Variants in AGTPBP1 observed in about 807,000 individuals in gnomAD.
The protein encoded by AGTPBP1 is cytosolic carboxypeptidase 1.
In AGTPBP1, 70 loss-of-function variants were observed where a neutral mutation model predicts 143.9. That is an observed-to-expected ratio of 0.49 (90% confidence interval 0.40 to 0.59). The LOEUF (loss-of-function observed/expected upper bound fraction) is 0.59, where lower values mean the gene tolerates loss of function less well. Ranked by LOEUF, AGTPBP1 falls within the 20% of genes least tolerant of loss-of-function variation. AGTPBP1 has a pLI of 0.00. For missense variants in AGTPBP1, 1,229 were observed against 1,464.5 expected (o/e 0.84, Z 2.62); for synonymous variants, 463 against 500.2 (o/e 0.93, Z 0.99).
rs189986250 is a variant in AGTPBP1, at chr9:85,563,363, G to A, written c.3503+11952C>T. ...AGAAAACAGGAAAGCTATAGAGAAA[G>A]CTTCAGACTTCTTAAAGAATACTTA... On this transcript the variant is annotated intron_variant, in intron 25 of 25. Coordinates refer to ENST00000357081, the MANE Select transcript of AGTPBP1 (RefSeq NM_001330701.2). Among the ~76,000 whole-genome samples, 574 of 152,274 alleles carry A rather than the reference G, an allele frequency of 3.8e-3. 3 individuals are homozygous for A. Among genetic ancestry groups the A allele is most frequent in the African/African-American group, 0.013 (557 of 41,556 alleles).
At chr9:85,774,057 T>C in the AGTPBP1 span, 1 of 1,489,358 alleles carries the variant, frequency 6.7e-7, no homozygotes, top group Admixed American at 1.7e-5. Flanking sequence ...CTTTTGACAG[T>C]TATGTAAAGT....
At chr9:85,586,535 G>A (rs1828621513) in intron 22 of AGTPBP1, among the ~76,000 whole-genome samples, 1 of 152,146 alleles carries the variant, frequency 6.6e-6, no homozygotes, top group Non-Finnish European at 1.5e-5. Flanking sequence ...GAGCTGACTA[G>A]AGAACTCAGA....
At chr9:85,779,851 G>C in the AGTPBP1 span, among the ~76,000 whole-genome samples, 5 of 152,136 alleles carry the variant, frequency 3.3e-5, no homozygotes, top group Non-Finnish European at 7.3e-5. Flanking sequence ...AACAGGGTGA[G>C]ATGCTGTCTC....
At position 85,731,363 on chromosome 9, in the gene AGTPBP1, A is replaced by G. The variant is rs185108054; in HGVS notation, c.-34+10412T>C. Among the ~76,000 whole-genome samples the G allele has an allele frequency of 3.3e-5, 5 of 152,298 alleles. No homozygotes were observed. In the East Asian group the frequency reaches 9.6e-4, roughly 29 times the overall value. The stretch of plus-strand genomic sequence containing the variant: ...ATGTGGGAAACTGGAACCCTCACAC[A>G]TTGCTGACAGGAATGTACAATGGTG... On this transcript the variant is annotated intron_variant, in intron 1 of 25. Coordinates refer to ENST00000357081, the MANE Select transcript of AGTPBP1 (RefSeq NM_001330701.2).
chr9:85,622,604 A>G (rs186179241), intron 14 of AGTPBP1, among the ~76,000 whole-genome samples: 289 of 152,290 alleles, frequency 1.9e-3, no homozygotes, highest in African/African-American at 6.7e-3. Flanking sequence ...TTTTAATTTT[A>G]TTCTATAAAA....
the AGTPBP1 span, among the ~76,000 whole-genome samples, chr9:85,779,275 CTATA>C: frequency 6.7e-6 from 1 of 149,088 alleles, no homozygotes; most frequent in Non-Finnish European, 1.5e-5. Flanking sequence ...ATATAGCTAT[CTATA>C]TAAATATCTA....
intron 2 of AGTPBP1, among the ~76,000 whole-genome samples, chr9:85,710,045 A>G (rs1335236305): frequency 1.3e-5 from 2 of 151,960 alleles, no homozygotes; most frequent in African/African-American, 4.8e-5. Flanking sequence ...TGAGTACCTT[A>G]TTTTCTAATT....
chr9:85,566,690 G>A (rs771958136), intron 25 of AGTPBP1, among the ~76,000 whole-genome samples: 6 of 152,060 alleles, frequency 3.9e-5, no homozygotes, highest in Admixed American at 2.0e-4. Flanking sequence ...TCCTTGGACC[G>A]GAAAAAGAAC....
the AGTPBP1 span, chr9:85,770,427 G>A: frequency 1.2e-5 from 19 of 1,598,978 alleles, no homozygotes; most frequent in African/African-American, 1.3e-5. Context: ...CAAATGTCTT[G>A]GAAAAACTAG....
chr9:85,795,964 A>G, the AGTPBP1 span, among the ~76,000 whole-genome samples: 4 of 146,890 alleles, frequency 2.7e-5, no homozygotes, highest in South Asian at 4.3e-4. Flanking sequence ...ACGATAAGAG[A>G]TGGTTGGAGA....
chr9:85,776,194 C>A, the AGTPBP1 span, among the ~76,000 whole-genome samples: 1 of 152,144 alleles, frequency 6.6e-6, no homozygotes, highest in Non-Finnish European at 1.5e-5. Context: ...AATCTTATGT[C>A]ACATGATAAA....
intron 9 of AGTPBP1, 73 bp from the exon 10 acceptor site, chr9:85,657,716 A>T: frequency 9.5e-7 from 1 of 1,053,918 alleles, no homozygotes; most frequent in Non-Finnish European, 1.4e-6. Flanking sequence ...TCAAATTTAA[A>T]ATATTACCTC....
chr9:85,683,169 T>C (rs773729625), intron 3 of AGTPBP1, among the ~76,000 whole-genome samples: 6 of 152,110 alleles, frequency 3.9e-5, no homozygotes, highest in Non-Finnish European at 8.8e-5. Context: ...GAATATAAAA[T>C]TTACCTAGAA....
intron 1 of AGTPBP1, among the ~76,000 whole-genome samples, chr9:85,721,976 T>G (rs1838157211): frequency 6.6e-6 from 1 of 152,240 alleles, no homozygotes; most frequent in African/African-American, 2.4e-5. Flanking sequence ...ACTCTTTTCT[T>G]TAAGAATGTT....
At chr9:85,601,607 A>C (rs1829674473) in intron 17 of AGTPBP1, among the ~76,000 whole-genome samples, 1 of 152,208 alleles carries the variant, frequency 6.6e-6, no homozygotes, top group Admixed American at 6.5e-5. Flanking sequence ...CTTAGGAGGC[A>C]GAGGGTTGTC....
At chr9:85,666,132 T>A (rs939937591) in intron 8 of AGTPBP1, among the ~76,000 whole-genome samples, 1 of 152,006 alleles carries the variant, frequency 6.6e-6, no homozygotes, top group Non-Finnish European at 1.5e-5. Context: ...ATTTAGGAGA[T>A]GTGAAGGAAA....
At chr9:85,673,796 T>C (rs1834643991) in intron 6 of AGTPBP1, among the ~76,000 whole-genome samples, 1 of 152,040 alleles carries the variant, frequency 6.6e-6, no homozygotes, top group Non-Finnish European at 1.5e-5. Flanking sequence ...TGTACTCCAC[T>C]ATATAAAACT....
chr9:85,777,526 C>G, the AGTPBP1 span, among the ~76,000 whole-genome samples: 3 of 152,148 alleles, frequency 2.0e-5, no homozygotes, highest in African/African-American at 4.8e-5. Flanking sequence ...GTTCATGGGC[C>G]CATTGGGCAA....
At chr9:85,642,578 T>A (rs540993166) in intron 13 of AGTPBP1, among the ~76,000 whole-genome samples, 2 of 151,288 alleles carry the variant, frequency 1.3e-5, no homozygotes, top group East Asian at 3.9e-4. Flanking sequence ...GTGATCCACA[T>A]ACCTCGGCCT....
Sources: gnomAD v4.1 joint callset for allele counts (sites outside exome capture counted in the v4.1 genomes callset) on GRCh38, gnomAD v4.1.1 for gene constraint, MANE v1.5 for transcripts, NCBI Gene and HGNC (gene_info 2026-07-23, HGNC 2026-07-21) for gene names.